CDC5L: variants seen among roughly 807,000 people sequenced by gnomAD.
CDC5L encodes cell division cycle 5 like.
A neutral mutation model predicts 104.1 loss-of-function variants in CDC5L; 18 were observed. The ratio of observed to expected loss-of-function variants is 0.17; its 90% CI spans 0.12 to 0.26. The LOEUF is 0.26. Among genes scored for constraint, CDC5L ranks in the 10% least tolerant of loss-of-function variants. The pLI, the probability that CDC5L is intolerant of heterozygous loss-of-function variation, is 1.00. For missense variants in CDC5L, 673 were observed against 956.9 expected, an observed-to-expected ratio of 0.70 and a Z score of 3.91; for synonymous variants, 331 against 322.7, an observed-to-expected ratio of 1.03 and a Z score of -0.28.
At chr6:44,396,568 A>G (rs549992516) in intron 5 of CDC5L, 128 bp downstream of exon 5, 70 of 608,904 alleles carry the variant, frequency 1.1e-4, no homozygotes, top group East Asian at 5.7e-5. Flanking sequence ...CAGGCAATCA[A>G]TTCTGCAGTG....
At chr6:44,390,489 G>T in intron 2 of CDC5L, 118 bp downstream of exon 2, 1 of 685,800 alleles carries the variant, frequency 1.5e-6, no homozygotes, top group Non-Finnish European at 2.4e-6. Context: ...AAGGCATGGA[G>T]TGGGAGATGG....
intron 14 of CDC5L, among the ~76,000 whole-genome samples, chr6:44,432,474 G>A (rs1792730449): frequency 6.6e-6 from 1 of 151,990 alleles, no homozygotes; most frequent in Middle Eastern, 3.4e-3. Context: ...TGCCTATCAA[G>A]CAAGATGAAG....
At chr6:44,387,945 G>GGT in intron 1 of CDC5L, 77 bp downstream of exon 1, 3 of 1,451,324 alleles carry the variant, frequency 2.1e-6, no homozygotes, top group East Asian at 2.5e-5. Context: ...GAGGTCGGGG[G>GGT]GGCGACGAGG....
At chr6:44,392,056 T>C (rs1439480066) in intron 2 of CDC5L, among the ~76,000 whole-genome samples, 1 of 152,182 alleles carries the variant, frequency 6.6e-6, no homozygotes, top group Non-Finnish European at 1.5e-5. Flanking sequence ...TCTGTTTGTC[T>C]TAGTGGTACC....
intron 14 of CDC5L, among the ~76,000 whole-genome samples, chr6:44,441,596 T>C (rs1793192963): frequency 2.6e-5 from 4 of 152,236 alleles, no homozygotes; most frequent in Admixed American, 2.6e-4. Flanking sequence ...AGGGGTTCTC[T>C]TTTCTCCACA....
chr6:44,426,799 A>T, intron 13 of CDC5L, 75 bp downstream of exon 13: 2 of 1,407,114 alleles, frequency 1.4e-6, no homozygotes, highest in Non-Finnish European at 2.0e-6. Flanking sequence ...ACAAATAATG[A>T]ACTTATTTTT....
intron 14 of CDC5L, among the ~76,000 whole-genome samples, chr6:44,438,677 T>C (rs1793047561): frequency 6.6e-6 from 1 of 151,214 alleles, no homozygotes; most frequent in Admixed American, 6.6e-5. Context: ...TTTTTTTTTT[T>C]TTTTTTTTTT....
chr6:44,426,637 T>C lies in CDC5L; in HGVS notation c.1806T>C (p.Thr602=). ...CATCTGGAAATAAAAAAGGCAAAAC[T>C]GTAGGGTTTGGTACCAATAATTCAG... The part of the protein sequence containing the change: ...YEPSGNKKGK[T]VGFGTNNSEH... The change falls in exon 13 of 16, where the codon ACT becomes ACC. Residue 602 remains threonine (T), a synonymous_variant. Transcript: ENST00000371477. 6.2e-7 allele frequency: 1 copy of C among 1,613,368 alleles called. No homozygotes were observed. Among genetic ancestry groups the C allele is most frequent in the African/African-American group, 1.3e-5 (1 of 75,018 alleles).
At position 44,424,651 on chromosome 6, in the gene CDC5L, T is replaced by G. The variant is rs1426820085; in HGVS notation, c.1569+68T>G. 5 of 1,490,714 alleles carry G rather than the reference T, an allele frequency of 3.4e-6. No homozygotes were observed. In the East Asian group the frequency reaches 6.8e-5, roughly 20 times the overall value. 92.3% of individuals were successfully genotyped at this position (1,490,714 alleles called of 1,614,324 possible). Reference sequence around the variant, plus strand: ...GTCAGTAGGCTGGAAGAATGAAGAATAGCCATTAAATGTCCCAAGATCTCT... The same window carrying G: ...GTCAGTAGGCTGGAAGAATGAAGAAGAGCCATTAAATGTCCCAAGATCTCT... On this transcript the variant is annotated intron_variant, in intron 11 of 15. Transcript: ENST00000371477.
rs540430186 is a variant in CDC5L, at chr6:44,440,098, T to G, written c.2092-5557T>G. Among the ~76,000 whole-genome samples the G allele has an allele frequency of 5.4e-4, 82 of 152,310 alleles. 3 individuals carry two copies. The highest frequency in any genetic ancestry group is 5.2e-3 in the Admixed American group (80 of 15,290). Reference sequence around the variant, plus strand: ...AAGTAAATTGCAGAGGAATAAAAGCTTAACTTTTATAAAAATCTGAAGAAA... The same window carrying G: ...AAGTAAATTGCAGAGGAATAAAAGCGTAACTTTTATAAAAATCTGAAGAAA... On this transcript the variant is annotated intron_variant, in intron 14 of 15. Transcript: ENST00000371477.
Position 44,419,470 on chromosome 6 carries a change from C to G in CDC5L, c.1114C>G (p.Leu372Val). The change falls in exon 9 of 16, where the codon CTC becomes GTC. Residue 372 changes from leucine (L) to valine (V), a missense_variant. Physicochemically the swap from Leu to Val is conservative, Grantham distance 32. This residue lies in a region of CDC5L where 578 missense variants were observed against 737.0 expected (regional missense o/e 0.78). Coordinates refer to ENST00000371477, the MANE Select transcript of CDC5L (RefSeq NM_001253.4). ...ILQEAQNLMALTNVDTPLKGG... is the reference protein window; with the variant it reads ...ILQEAQNLMAVTNVDTPLKGG... ...TCAGGAAGCCCAGAACCTCATGGCC[C>G]TCACCAATGTGGACACCCCATTGAA... 6.2e-7 allele frequency: 1 copy of G among 1,614,170 alleles called. No individual in the cohort carries two copies. The highest frequency in any genetic ancestry group is 8.5e-7 in the Non-Finnish European group (1 of 1,180,016).
At chr6:44,435,303 A>G (rs1303883218) in intron 14 of CDC5L, among the ~76,000 whole-genome samples, 1 of 151,866 alleles carries the variant, frequency 6.6e-6, no homozygotes, top group South Asian at 2.1e-4. Context: ...TTATAGTTTT[A>G]TAGCTTGTTA....
chr6:44,420,384 CT>C (rs1449520336), intron 9 of CDC5L, among the ~76,000 whole-genome samples: 1 of 147,650 alleles, frequency 6.8e-6, no homozygotes, highest in Admixed American at 6.8e-5. Context: ...TTGAGACGGA[CT>C]TTTGCTTTTC....
At chr6:44,410,185 TACTGAAATTTTGTGTCCTTTG>T (rs1791565874) in intron 8 of CDC5L, among the ~76,000 whole-genome samples, 1 of 152,222 alleles carries the variant, frequency 6.6e-6, no homozygotes, top group Non-Finnish European at 1.5e-5. Flanking sequence ...TCTCCTGTCT[TACTGAAATTTTGTGTCCTTTG>T]ACAGATATCT....
intron 2 of CDC5L, among the ~76,000 whole-genome samples, chr6:44,391,910 C>T (rs192927145): frequency 1.8e-3 from 280 of 152,250 alleles, no homozygotes; most frequent in Non-Finnish European, 2.8e-3. Flanking sequence ...ATCGGTTGAA[C>T]CCAGGAGGTG....
At chr6:44,402,596 C>G (rs923299290) in intron 5 of CDC5L, among the ~76,000 whole-genome samples, 1 of 151,910 alleles carries the variant, frequency 6.6e-6, no homozygotes, top group African/African-American at 2.4e-5. Context: ...TTTCTTATCA[C>G]GAAATCATTA....
chr6:44,416,886 C>T (rs912238181), intron 8 of CDC5L, among the ~76,000 whole-genome samples: 5 of 152,180 alleles, frequency 3.3e-5, no homozygotes, highest in African/African-American at 7.2e-5. Context: ...AGCCTACATA[C>T]GTTTCTTTCT....
At chr6:44,429,556 A>G (rs72866299) in intron 13 of CDC5L, among the ~76,000 whole-genome samples, 157 bp from the exon 14 acceptor site, 318 of 152,232 alleles carry the variant, frequency 2.1e-3, no homozygotes, top group Non-Finnish European at 3.7e-3. Context: ...TTCTTAAGCT[A>G]TTTTTCCTAG....
At chr6:44,391,167 T>C (rs957437658) in intron 2 of CDC5L, among the ~76,000 whole-genome samples, 8 of 145,804 alleles carry the variant, frequency 5.5e-5, no homozygotes, top group Middle Eastern at 3.6e-3. Context: ...TAATATGTTA[T>C]ATATTGTATA....
Sources: gnomAD v4.1 joint callset for allele counts (sites outside exome capture counted in the v4.1 genomes callset) on GRCh38, gnomAD v4.1.1 for gene constraint, gnomAD v4.1.1 regional missense constraint, MANE v1.5 for transcripts, NCBI Gene and HGNC (gene_info 2026-07-23, HGNC 2026-07-21) for gene names.